DPEP1: variants seen among roughly 807,000 people sequenced by gnomAD.
The protein encoded by DPEP1 is dipeptidase 1.
In DPEP1, 50 loss-of-function variants were observed where a neutral mutation model predicts 42.3. The ratio of observed to expected loss-of-function variants is 1.18; its 90% CI spans 0.94 to 1.50. DPEP1 has a LOEUF of 1.50. DPEP1 is among the 40% of genes most tolerant of loss of function. The probability of loss-of-function intolerance (pLI) is 0.00; values close to 1 mark genes in which losing one functional copy is unlikely to be tolerated. For missense variants in DPEP1, 663 were observed against 553.0 expected, an observed-to-expected ratio of 1.20 and a Z score of -1.99; for synonymous variants, 297 against 234.0, an observed-to-expected ratio of 1.27 and a Z score of -2.46.
chr16:89,617,192 C>G (rs750275943), intron 1 of DPEP1, among the ~76,000 whole-genome samples: 4 of 152,098 alleles, frequency 2.6e-5, no homozygotes, highest in Non-Finnish European at 4.4e-5. Context: ...GGAGCTAGAA[C>G]AAGGGAGAGG....
Position 89,638,229 on chromosome 16 carries a change from G to A in DPEP1, c.*7G>A, listed in dbSNP as rs777788732. Reference sequence around the variant, plus strand: ...CTGTCTGTCTCTCCTGTGAAACCTGGGAGACCAGAGTCCCCTTTAGGGTTC... The same window carrying A: ...CTGTCTGTCTCTCCTGTGAAACCTGAGAGACCAGAGTCCCCTTTAGGGTTC... On this transcript the variant is annotated 3_prime_UTR_variant, in exon 11 of 11. Coordinates refer to ENST00000690203, the MANE Select transcript of DPEP1 (RefSeq NM_001389466.1). 6.5e-7 allele frequency: 1 copy of A among 1,542,902 alleles called. No individual in the cohort carries two copies. The highest frequency in any genetic ancestry group is 1.4e-5 in the African/African-American group (1 of 72,884).
chr16:89,636,697 C>T lies in DPEP1; in HGVS notation c.521+14C>T, dbSNP rs755757357. ...CAACACGCCCTGGTGCGTGACTCCC[C>T]ATGGGAGGCCCCCGGGCTGTGGTCA... On this transcript the variant is annotated intron_variant, in intron 5 of 10. Transcript: ENST00000690203. 6.2e-7 allele frequency: 1 copy of T among 1,611,772 alleles called. No individual in the cohort carries two copies. The highest frequency in any genetic ancestry group is 1.1e-5 in the South Asian group (1 of 91,046).
At position 89,637,494 on chromosome 16, in the gene DPEP1, G is replaced by C; in HGVS notation, c.795G>C (p.Val265=). The change falls in exon 8 of 11, where the codon GTG becomes GTC. Residue 265 remains valine, a synonymous_variant. Transcript: ENST00000690203. Reference sequence around the variant, plus strand: ...AACAGACAGACAGCCTGGTGATGGTGAACTTCTACAACAATTACATTTCCT... The same window carrying C: ...AACAGACAGACAGCCTGGTGATGGTCAACTTCTACAACAATTACATTTCCT... ...LVKQTDSLVM[V]NFYNNYISCT... 1.2e-6 allele frequency: 2 copies of C among 1,612,840 alleles called. No homozygotes were observed. Among genetic ancestry groups the C allele is most frequent in the Non-Finnish European group, 1.7e-6 (2 of 1,179,984 alleles).
chr16:89,636,140 G>A lies in DPEP1; in HGVS notation c.237+100G>A, dbSNP rs188819412. 3.9e-6 allele frequency: 6 copies of A among 1,546,334 alleles called. No homozygotes were observed. In the Admixed American group the frequency reaches 9.8e-5, roughly 25 times the overall value. On this transcript the variant is annotated intron_variant, in intron 3 of 10. Transcript: ENST00000690203. ...GACCATCCCTGTGGTGTTCCTCCAG[G>A]GTCCCTCGGTGCCCAGGCCGAGGGA... is the stretch of plus-strand genomic sequence containing the variant.
At chr16:89,630,240 C>G (rs982210470) in intron 1 of DPEP1, 65 bp from the exon 2 acceptor site, 2 of 499,926 alleles carry the variant, frequency 4.0e-6, no homozygotes, top group Non-Finnish European at 3.6e-6. Context: ...ACATGGGAAG[C>G]TATAAACAGG....
intron 2 of DPEP1, among the ~76,000 whole-genome samples, chr16:89,631,335 C>T (rs1054682263): frequency 3.9e-5 from 6 of 152,236 alleles, no homozygotes; most frequent in Non-Finnish European, 5.9e-5. Context: ...CCCTCTTCCC[C>T]GCCCCTTCCT....
chr16:89,630,458 A>G lies in DPEP1; in HGVS notation c.48A>G (p.Ala16=). 1 of 1,611,034 alleles carries G rather than the reference A, an allele frequency of 6.2e-7. No individual in the cohort carries two copies. The highest frequency in any genetic ancestry group is 1.3e-5 in the African/African-American group (1 of 74,468). ...WLWPLVAVCT[A]DFFRDEAERI... Reference sequence around the variant, plus strand: ...GGCCCCTTGTGGCCGTCTGCACTGCAGACTTCTTTCGGGACGAGGCAGAGA... The same window carrying G: ...GGCCCCTTGTGGCCGTCTGCACTGCGGACTTCTTTCGGGACGAGGCAGAGA... Residue 16 remains alanine (A), a synonymous_variant, in exon 2 of 11, where the codon GCA becomes GCG. Transcript: ENST00000690203.
intron 1 of DPEP1, among the ~76,000 whole-genome samples, chr16:89,628,417 C>A (rs1180852317): frequency 6.6e-6 from 1 of 151,312 alleles, no homozygotes; most frequent in Non-Finnish European, 1.5e-5. Context: ...ACCACCATGC[C>A]TGGCTAATTT....
At position 89,637,222 on chromosome 16, in the gene DPEP1, A is replaced by G; in HGVS notation, c.610A>G (p.Asn204Asp). 6.2e-7 allele frequency: 1 copy of G among 1,612,588 alleles called. No homozygotes were observed. Among genetic ancestry groups the G allele is most frequent in the Non-Finnish European group, 8.5e-7 (1 of 1,179,868 alleles). ...PFGQRVVKEL[N>D]RLGVLIDLAH... ...TTCCCAGCGTGTGGTGAAGGAGCTG[A>G]ACCGTCTGGGGGTCCTCATCGACTT... is the stretch of plus-strand genomic sequence containing the variant. The change falls in exon 7 of 11, where the codon AAC (asparagine) becomes GAC (aspartate). Residue 204 changes from asparagine to aspartate, a missense_variant. Coordinates refer to ENST00000690203, the MANE Select transcript of DPEP1 (RefSeq NM_001389466.1).
rs1197381759 is a variant in DPEP1, at chr16:89,634,671, TTTCCCC to T, written c.105-1232_105-1227del. Among the ~76,000 whole-genome samples the T allele has an allele frequency of 8.9e-5, 2 of 22,348 alleles. 1 individual carries two copies. The highest frequency in any genetic ancestry group is 4.4e-4 in the African/African-American group (2 of 4,592). The allele number at this position is 22,348 out of a possible 152,430, so 14.7% of individuals were successfully genotyped here. A position where few individuals can be genotyped will look rare whatever the true frequency, so the allele number is the denominator to read the frequency against. Reference sequence around the variant, plus strand: ...TTCCTTCCCTTTCCCCTTCCTTCCCTTTCCCCTTCCTTCTCCTTTCCCTTCCTTCCC... The same window carrying T: ...TTCCTTCCCTTTCCCCTTCCTTCCCTTTCCTTCTCCTTTCCCTTCCTTCCC... On this transcript the variant is annotated intron_variant, in intron 2 of 10. Transcript: ENST00000690203.
chr16:89,635,168 T>TCCCCTTCCTTCTCCTTTC (rs1234210650), intron 2 of DPEP1, among the ~76,000 whole-genome samples: 1 of 40,230 alleles, frequency 2.5e-5, no homozygotes, highest in African/African-American at 7.4e-5. Context: ...TCCTTCCCTT[T>TCCCCTTCCTTCTCCTTTC]CCCTTCCTTC....
Position 89,637,618 on chromosome 16 carries a change from T to C in DPEP1, c.854-14T>C, listed in dbSNP as rs1237812247. 6.2e-7 allele frequency: 1 copy of C among 1,612,900 alleles called. No homozygotes were observed. The highest frequency in any genetic ancestry group is 1.7e-5 in the Admixed American group (1 of 60,030). Reference sequence around the variant, plus strand: ...GGCCTCACTCGGGACCCATACCTGCTGCTCCCTGGACAGACCATCTGGATC... The same window carrying C: ...GGCCTCACTCGGGACCCATACCTGCCGCTCCCTGGACAGACCATCTGGATC... On this transcript the variant is annotated splice_polypyrimidine_tract_variant and intron_variant, in intron 8 of 10. Transcript: ENST00000690203.
downstream of DPEP1, among the ~76,000 whole-genome samples, chr16:89,641,236 G>C (rs114742156): frequency 5.1e-3 from 780 of 151,960 alleles, 7 homozygotes; most frequent in African/African-American, 0.018. Flanking sequence ...GGGGTTGACT[G>C]ATGTCAGATC....
At chr16:89,639,117 T>TCACA (rs1567995566), downstream of DPEP1, among the ~76,000 whole-genome samples, 5 of 8,684 alleles carry the variant, frequency 5.8e-4, no homozygotes, top group Non-Finnish European at 6.0e-4. Flanking sequence ...CCCTGCACAT[T>TCACA]CACATCCCAC....
intron 1 of DPEP1, among the ~76,000 whole-genome samples, chr16:89,623,078 C>A (rs1005194546): frequency 6.6e-6 from 1 of 152,106 alleles, no homozygotes; most frequent in Non-Finnish European, 1.5e-5. Flanking sequence ...ACCACCCTAA[C>A]CCCCACACAG....
At chr16:89,624,578 G>T (rs993700459) in intron 1 of DPEP1, among the ~76,000 whole-genome samples, 1 of 151,432 alleles carries the variant, frequency 6.6e-6, no homozygotes, top group East Asian at 1.9e-4. Flanking sequence ...ACCGTCGCCC[G>T]GGCTGGAGTG....
intron 1 of DPEP1, among the ~76,000 whole-genome samples, chr16:89,626,203 C>A (rs1428638713): frequency 1.3e-5 from 2 of 152,158 alleles, no homozygotes; most frequent in Non-Finnish European, 2.9e-5. Flanking sequence ...GGTTCTGTGT[C>A]CCCACCCAAA....
chr16:89,638,447 G>A (rs1342321532), downstream of DPEP1: 5 of 1,319,906 alleles, frequency 3.8e-6, no homozygotes, highest in Non-Finnish European at 3.8e-6. Flanking sequence ...TGGGGTACGT[G>A]TCATCGGCAT....
At chr16:89,634,657 TC>T (rs1167798677) in intron 2 of DPEP1, among the ~76,000 whole-genome samples, 4 of 47,884 alleles carry the variant, frequency 8.4e-5, no homozygotes, top group African/African-American at 1.8e-4. Flanking sequence ...TCCTTCCCTT[TC>T]CCCTTCCTTC....
Sources: allele counts gnomAD v4.1 joint callset (sites outside exome capture counted in the v4.1 genomes callset), GRCh38; gene constraint gnomAD v4.1.1; transcripts MANE v1.5; gene names NCBI Gene and HGNC (gene_info 2026-07-23, HGNC 2026-07-21).